INPP4B: variants seen among roughly 807,000 people sequenced by gnomAD.
INPP4B encodes the protein inositol polyphosphate-4-phosphatase type II B, also known as inositol polyphosphate 4-phosphatase type II.
INPP4B carries 55 observed loss-of-function variants against 122.5 expected under a neutral mutation model. The observed-to-expected ratio is 0.45, with a 90% CI of 0.36 to 0.56. The LOEUF is 0.56. Ranked by LOEUF, INPP4B falls within the 20% of genes least tolerant of loss-of-function variation. INPP4B has a pLI of 0.00. For synonymous variants in INPP4B, 403 were observed against 388.7 expected (o/e 1.04, Z -0.43); for missense variants, 1,000 against 1,097.7 (o/e 0.91, Z 1.26).
intron 2 of INPP4B, chr4:142,514,195 A>G (rs1263349962): frequency 6.6e-6 from 1 of 152,224 alleles, no homozygotes; most frequent in Non-Finnish European, 1.5e-5. Context: ...AGACATCTTC[A>G]TGAAGGTACA....
intron 9 of INPP4B, among the ~76,000 whole-genome samples, chr4:142,295,740 T>A (rs1758408309): frequency 6.7e-6 from 1 of 149,820 alleles, no homozygotes; most frequent in South Asian, 2.2e-4. Flanking sequence ...CTTTCCCTTT[T>A]TTTTTTCTTT....
intron 3 of INPP4B, among the ~76,000 whole-genome samples, chr4:142,455,940 T>C (rs1385180565): frequency 6.6e-6 from 1 of 152,096 alleles, no homozygotes; most frequent in Non-Finnish European, 1.5e-5. Flanking sequence ...TGTTTGCTAT[T>C]TGTATGTCTT....
At chr4:142,838,322 A>G (rs1236246874) in intron 1 of INPP4B, among the ~76,000 whole-genome samples, 1 of 151,228 alleles carries the variant, frequency 6.6e-6, no homozygotes, top group African/African-American at 2.4e-5. Context: ...TTTTTTTTCA[A>G]TGGAGACTTC....
At chr4:142,312,480 G>A (rs972607535) in intron 8 of INPP4B, among the ~76,000 whole-genome samples, 2 of 151,866 alleles carry the variant, frequency 1.3e-5, no homozygotes, top group African/African-American at 4.9e-5. Flanking sequence ...ACTGGGAACT[G>A]ATTGTCTCTC....
chr4:142,780,804 G>GA (rs202010362), intron 1 of INPP4B, among the ~76,000 whole-genome samples: 188 of 151,462 alleles, frequency 1.2e-3, no homozygotes, highest in African/African-American at 4.3e-3. Context: ...TCTCGAAACA[G>GA]AAAAAAAAGA....
chr4:142,510,148 T>C (rs1824528626), intron 2 of INPP4B, among the ~76,000 whole-genome samples: 1 of 152,224 alleles, frequency 6.6e-6, no homozygotes, highest in Non-Finnish European at 1.5e-5. Flanking sequence ...TCTAATTAGA[T>C]GTTTAATTTT....
intron 2 of INPP4B, among the ~76,000 whole-genome samples, chr4:142,646,877 C>T (rs1232262702): frequency 1.3e-5 from 2 of 152,126 alleles, no homozygotes. Context: ...AAACCAAACA[C>T]AGCAGTTATT....
intron 2 of INPP4B, among the ~76,000 whole-genome samples, chr4:142,465,352 T>A (rs1290832602): frequency 6.6e-6 from 1 of 152,088 alleles, no homozygotes; most frequent in Non-Finnish European, 1.5e-5. Flanking sequence ...TAAATATACA[T>A]CCCACAGACT....
At position 142,043,728 on chromosome 4, in the gene INPP4B, A is replaced by G. The variant is rs557998941; in HGVS notation, c.2643-14814T>C. ...AAACATTTGCTGTAAGAAATTCAGT[A>G]AAATGAGATGAGGCTATGTTGTAAA... On this transcript the variant is annotated intron_variant, in intron 25 of 25. Coordinates refer to ENST00000262992, the MANE Select transcript of INPP4B (RefSeq NM_001101669.3). 5.0e-4 allele frequency among the ~76,000 whole-genome samples: 76 copies of G among 152,368 alleles called. 2 individuals carry two copies. In the South Asian group the frequency reaches 0.014, roughly 29 times the overall value.
chr4:142,029,142 C>T, intron 25 of INPP4B: 5 of 1,221,210 alleles, frequency 4.1e-6, no homozygotes, highest in Non-Finnish European at 5.1e-6. Flanking sequence ...TTACTCTTAA[C>T]ATTTAAAATT....
chr4:142,282,965 T>C (rs1008971186), intron 9 of INPP4B, among the ~76,000 whole-genome samples: 1 of 152,042 alleles, frequency 6.6e-6, no homozygotes, highest in Non-Finnish European at 1.5e-5. Context: ...GCCTTTTACT[T>C]TGAGTGAGGT....
intron 7 of INPP4B, among the ~76,000 whole-genome samples, chr4:142,363,366 C>A (rs1786208123): frequency 6.6e-6 from 1 of 151,688 alleles, no homozygotes; most frequent in Non-Finnish European, 1.5e-5. Context: ...TGTGTGTATA[C>A]ACATGCCAAA....
At chr4:142,249,457 AAAT>A (rs1010367560) in intron 11 of INPP4B, among the ~76,000 whole-genome samples, 4 of 152,172 alleles carry the variant, frequency 2.6e-5, no homozygotes, top group African/African-American at 9.7e-5. Context: ...TTTTAACTGT[AAAT>A]AATAACCTCT....
chr4:142,456,307 T>C (rs997203966), intron 3 of INPP4B, among the ~76,000 whole-genome samples: 3 of 152,020 alleles, frequency 2.0e-5, no homozygotes, highest in African/African-American at 7.2e-5. Flanking sequence ...AATCTTTAAT[T>C]CATTTTGATT....
chr4:142,583,394 G>A (rs1199318692), intron 2 of INPP4B: 1 of 152,092 alleles, frequency 6.6e-6, no homozygotes, highest in East Asian at 1.9e-4. Context: ...CTAGGAAAAG[G>A]TAGCCTTGCC....
At chr4:142,380,133 G>A (rs1272927141) in intron 7 of INPP4B, among the ~76,000 whole-genome samples, 1 of 152,214 alleles carries the variant, frequency 6.6e-6, no homozygotes, top group African/African-American at 2.4e-5. Flanking sequence ...AGAAAGATAA[G>A]TGCTCCTAGA....
chr4:142,068,799 G>A (rs1188935254), intron 25 of INPP4B, among the ~76,000 whole-genome samples: 1 of 152,150 alleles, frequency 6.6e-6, no homozygotes, highest in African/African-American at 2.4e-5. Flanking sequence ...AAATATATAT[G>A]CACCCAATAC....
intron 3 of INPP4B, among the ~76,000 whole-genome samples, chr4:142,436,652 C>T (rs1288603754): frequency 3.9e-5 from 6 of 152,138 alleles, no homozygotes; most frequent in Non-Finnish European, 8.8e-5. Context: ...CAGCAAACCA[C>T]AGCAGCCCTA....
chr4:142,668,197 T>C (rs921536358), intron 2 of INPP4B, among the ~76,000 whole-genome samples: 1 of 152,158 alleles, frequency 6.6e-6, no homozygotes, highest in Admixed American at 6.5e-5. Flanking sequence ...GATGCAAGTA[T>C]GGTACAACAT....
Sources: gnomAD v4.1 joint callset for allele counts (sites outside exome capture counted in the v4.1 genomes callset) on GRCh38, gnomAD v4.1.1 for gene constraint, MANE v1.5 for transcripts, NCBI Gene and HGNC (gene_info 2026-07-23, HGNC 2026-07-21) for gene names.